Variants in CNBD1 observed in about 807,000 individuals in gnomAD.
The protein encoded by CNBD1 is cyclic nucleotide binding domain containing 1.
Under a neutral mutation model 54.4 loss-of-function variants are expected in CNBD1, and 71 were observed. The observed-to-expected ratio is 1.30, with a 90% confidence interval of 1.08 to 1.59. The LOEUF (loss-of-function observed/expected upper bound fraction) is 1.59, where lower values mean the gene tolerates loss of function less well. Among genes scored for constraint, CNBD1 ranks in the 40% most tolerant of loss-of-function variants. CNBD1 has a pLI of 0.00. For missense variants in CNBD1, 659 were observed against 518.0 expected, an observed-to-expected ratio of 1.27 and a Z score of -2.64; for synonymous variants, 182 against 170.7, an observed-to-expected ratio of 1.07 and a Z score of -0.51.
intron 4 of CNBD1, among the ~76,000 whole-genome samples, chr8:87,104,964 T>C (rs1029422288): frequency 6.6e-6 from 1 of 152,236 alleles, no homozygotes; most frequent in Admixed American, 6.5e-5. Flanking sequence ...TGGAGTTTAA[T>C]AATTTTTATT....
At chr8:87,374,232 T>C (rs1810879111) in intron 10 of CNBD1, among the ~76,000 whole-genome samples, 1 of 151,792 alleles carries the variant, frequency 6.6e-6, no homozygotes, top group Admixed American at 6.6e-5. Context: ...GTGCACTTCA[T>C]CTGTCTTTTA....
chr8:86,967,923 C>T (rs1808128120), intron 4 of CNBD1, among the ~76,000 whole-genome samples: 1 of 151,776 alleles, frequency 6.6e-6, no homozygotes, highest in Non-Finnish European at 1.5e-5. Flanking sequence ...AGTAAATAGG[C>T]CTTTGATAAT....
chr8:86,975,420 C>G (rs1404486016), intron 4 of CNBD1, among the ~76,000 whole-genome samples: 1 of 152,002 alleles, frequency 6.6e-6, no homozygotes, highest in Non-Finnish European at 1.5e-5. Flanking sequence ...GACCACCATT[C>G]TACTGTCTAC....
At chr8:87,034,837 T>G (rs1809875147) in intron 4 of CNBD1, among the ~76,000 whole-genome samples, 1 of 152,192 alleles carries the variant, frequency 6.6e-6, no homozygotes, top group Non-Finnish European at 1.5e-5. Context: ...TTCAAATTCA[T>G]GTTGTTCAAG....
intron 6 of CNBD1, among the ~76,000 whole-genome samples, chr8:87,243,255 C>T (rs975720807): frequency 3.3e-5 from 5 of 152,288 alleles, no homozygotes; most frequent in South Asian, 2.1e-4. Flanking sequence ...TATCTCATTT[C>T]GTAAAGCAGT....
intron 4 of CNBD1, among the ~76,000 whole-genome samples, chr8:87,000,201 C>T (rs1270482554): frequency 6.6e-6 from 1 of 151,928 alleles, no homozygotes; most frequent in Non-Finnish European, 1.5e-5. Context: ...GCATTTTTCC[C>T]CATGATGTTC....
At chr8:87,420,567 C>T (rs1057038704) in intron 2 of CNBD1, among the ~76,000 whole-genome samples, 1 of 152,014 alleles carries the variant, frequency 6.6e-6, no homozygotes, top group African/African-American at 2.4e-5. Context: ...CTTTGGATTC[C>T]TGTCACTTAC....
chr8:86,971,521 T>C (rs965541623), intron 4 of CNBD1, among the ~76,000 whole-genome samples: 6 of 152,216 alleles, frequency 3.9e-5, no homozygotes, highest in African/African-American at 1.2e-4. Context: ...ATGTTATCTT[T>C]GGATAACTGA....
intron 4 of CNBD1, among the ~76,000 whole-genome samples, chr8:87,132,053 C>T (rs1812127694): frequency 6.6e-6 from 1 of 151,770 alleles, no homozygotes; most frequent in South Asian, 2.1e-4. Flanking sequence ...TTTCTTCTGG[C>T]CTCTATTTTT....
chr8:86,921,202 A>T (rs1554630504), intron 3 of CNBD1, among the ~76,000 whole-genome samples: 1 of 150,402 alleles, frequency 6.6e-6, no homozygotes, highest in Non-Finnish European at 1.5e-5. Flanking sequence ...ATCTGGCCTC[A>T]GGATAAATAA....
intron 4 of CNBD1, among the ~76,000 whole-genome samples, chr8:87,032,766 G>T (rs908923463): frequency 7.2e-5 from 11 of 152,120 alleles, no homozygotes; most frequent in African/African-American, 1.9e-4. Flanking sequence ...TGTCATAAAA[G>T]AGTAAAAATC....
At chr8:87,113,940 A>G (rs534192270) in intron 4 of CNBD1, among the ~76,000 whole-genome samples, 104 of 152,158 alleles carry the variant, frequency 6.8e-4, no homozygotes, top group African/African-American at 2.5e-3. Flanking sequence ...AAAGAAAGAA[A>G]TAGAAATGAT....
intron 4 of CNBD1, among the ~76,000 whole-genome samples, chr8:86,948,195 T>A (rs1027844319): frequency 3.3e-5 from 5 of 152,198 alleles, no homozygotes; most frequent in Non-Finnish European, 7.4e-5. Context: ...AAATCTTGGC[T>A]ACTGTGAACA....
intron 10 of CNBD1, among the ~76,000 whole-genome samples, chr8:87,362,458 A>G (rs1810541722): frequency 6.6e-6 from 1 of 152,118 alleles, no homozygotes; most frequent in Non-Finnish European, 1.5e-5. Context: ...AAAAAAATTT[A>G]GCAAGGGAGT....
intron 8 of CNBD1, among the ~76,000 whole-genome samples, chr8:87,297,322 G>A (rs767619134): frequency 1.4e-4 from 22 of 151,948 alleles, no homozygotes; most frequent in Admixed American, 2.0e-4. Context: ...AAAATCCAGT[G>A]TTATTGTACA....
chr8:87,272,818 A>G (rs1017831716), intron 6 of CNBD1, among the ~76,000 whole-genome samples: 3 of 152,002 alleles, frequency 2.0e-5, no homozygotes, highest in Non-Finnish European at 4.4e-5. Context: ...AATAAACCTT[A>G]TGTGCTAACT....
intron 2 of CNBD1, among the ~76,000 whole-genome samples, chr8:87,425,892 G>A (rs549761458): frequency 6.6e-6 from 1 of 152,232 alleles, no homozygotes; most frequent in Admixed American, 6.5e-5. Context: ...TCAAGCCTGG[G>A]CAATGGCGGG....
At chr8:87,223,215 G>GTT (rs545841712) in intron 5 of CNBD1, among the ~76,000 whole-genome samples, 2 of 139,298 alleles carry the variant, frequency 1.4e-5, no homozygotes, top group African/African-American at 5.2e-5. Context: ...TTTGGCTGAA[G>GTT]TTTTTTTTTT....
chr8:87,115,430 T>G (rs987864583), intron 4 of CNBD1, among the ~76,000 whole-genome samples: 15 of 152,214 alleles, frequency 9.9e-5, no homozygotes, highest in Admixed American at 8.5e-4. Context: ...ACAATCATTT[T>G]CATTATGTTT....
Sources: gnomAD v4.1 joint callset for allele counts (sites outside exome capture counted in the v4.1 genomes callset) on GRCh38, gnomAD v4.1.1 for gene constraint, MANE v1.5 for transcripts, NCBI Gene and HGNC (gene_info 2026-07-23, HGNC 2026-07-21) for gene names.